STIL: variants seen among roughly 807,000 people sequenced by gnomAD.
The protein encoded by STIL is SCL-interrupting locus protein.
In STIL, 55 loss-of-function variants were observed where a neutral mutation model predicts 110.1. The ratio of observed to expected loss-of-function variants is 0.50; its 90% CI spans 0.40 to 0.63. STIL has a LOEUF of 0.63. Among genes scored for constraint, STIL ranks in the 20% least tolerant of loss-of-function variants. The pLI is 0.00. For missense variants in STIL, 1,358 were observed against 1,530.0 expected (o/e 0.89, Z 1.87); for synonymous variants, 481 against 530.0 (o/e 0.91, Z 1.27).
chr1:47,264,358 T>C (rs1396713774), intron 14 of STIL, among the ~76,000 whole-genome samples: 1 of 152,084 alleles, frequency 6.6e-6, no homozygotes, highest in Admixed American at 6.6e-5. Context: ...CTACACTCTT[T>C]AGGGGGAAGA....
rs1220156622 is a variant in STIL, at chr1:47,251,484, C to T, written c.3519G>A (p.Lys1173=). 1.7e-5 allele frequency: 28 copies of T among 1,614,094 alleles called. No homozygotes were observed. The highest frequency in any genetic ancestry group is 2.0e-5 in the Non-Finnish European group (24 of 1,180,050). The part of the protein sequence containing the change: ...EQLGGQKEPS[K]NDHEIINCSN... ...AACAATTAATTATTTCATGGTCATT[C>T]TTAGAAGGCTCTTTCTGACCACCAA... Residue 1173 remains lysine (K), a synonymous_variant, in exon 17 of 17, where the codon AAG becomes AAA. Coordinates refer to ENST00000371877, the MANE Select transcript of STIL (RefSeq NM_001048166.1).
At chr1:47,304,160 CTTATT>C (rs1000713509) in intron 3 of STIL, among the ~76,000 whole-genome samples, 6 of 150,720 alleles carry the variant, frequency 4.0e-5, no homozygotes, top group Non-Finnish European at 5.9e-5. Flanking sequence ...TTTTTTTTTC[CTTATT>C]TTGTTTTTTT....
In STIL at chr1:47,280,469, T is replaced by C; in HGVS notation, c.1989A>G (p.Ile663Met). The change falls in exon 12 of 17, where the codon ATA becomes ATG. Residue 663 changes from isoleucine to methionine, a missense_variant. Coordinates refer to ENST00000371877, the MANE Select transcript of STIL (RefSeq NM_001048166.1). ...CNAFCSSSSP[I>M]ALRPQGDMGS... The stretch of plus-strand genomic sequence containing the variant: ...CCATATCTCCCTGAGGTCTCAAGGC[T>C]ATAGGACTACTTGAAGAACAGAATG... The C allele has an allele frequency of 6.2e-7, 1 of 1,614,246 alleles. No individual in the cohort carries two copies. Among genetic ancestry groups the C allele is most frequent in the Middle Eastern group, 1.6e-4 (1 of 6,062 alleles).
At chr1:47,269,517 C>T in intron 14 of STIL, 118 bp downstream of exon 14, 1 of 730,114 alleles carries the variant, frequency 1.4e-6, no homozygotes. Flanking sequence ...TTTAATCATT[C>T]CATACTGTAA....
At chr1:47,259,645 AT>A (rs1237903979) in intron 16 of STIL, among the ~76,000 whole-genome samples, 2 of 152,146 alleles carry the variant, frequency 1.3e-5, no homozygotes, top group Non-Finnish European at 2.9e-5. Context: ...TGGCTTTTGC[AT>A]TTTATCTTAC....
chr1:47,293,773 G>A (rs534178469), intron 7 of STIL, among the ~76,000 whole-genome samples: 17 of 149,328 alleles, frequency 1.1e-4, no homozygotes, highest in Middle Eastern at 3.5e-3. Flanking sequence ...GATATATATC[G>A]AGAGAGAGAG....
At chr1:47,268,110 T>G (rs1305239625) in intron 14 of STIL, among the ~76,000 whole-genome samples, 1 of 152,204 alleles carries the variant, frequency 6.6e-6, no homozygotes, top group Non-Finnish European at 1.5e-5. Context: ...GTTCTATCAC[T>G]CAAAAATAGA....
chr1:47,268,617 G>T (rs1272932012), intron 14 of STIL, among the ~76,000 whole-genome samples: 1 of 151,888 alleles, frequency 6.6e-6, no homozygotes, highest in Admixed American at 6.6e-5. Flanking sequence ...AATTAGCCCA[G>T]CATGGTGGCA....
At chr1:47,284,497 T>A (rs1420309711) in intron 10 of STIL, among the ~76,000 whole-genome samples, 15 of 152,212 alleles carry the variant, frequency 9.9e-5, no homozygotes. Context: ...TAGCTTTTAA[T>A]AACAATCTTA....
At chr1:47,314,670 C>T (rs1646235683), upstream of STIL, among the ~76,000 whole-genome samples, 1 of 151,910 alleles carries the variant, frequency 6.6e-6, no homozygotes, top group African/African-American at 2.4e-5. Flanking sequence ...ATCACTTATC[C>T]TCAACTTCTA....
Position 47,269,620 on chromosome 1 carries a change from T to A in STIL, c.2615+15A>T, listed in dbSNP as rs773798424. ...TTTGAAAGTAGGATGAAAGACTAAATCAAAGAGACCTTACTTGGATACAGA... is the reference window on the plus strand; with the variant it reads ...TTTGAAAGTAGGATGAAAGACTAAAACAAAGAGACCTTACTTGGATACAGA... On this transcript the variant is annotated intron_variant, in intron 14 of 16. Coordinates refer to ENST00000371877, the MANE Select transcript of STIL (RefSeq NM_001048166.1). The A allele has an allele frequency of 8.1e-6, 13 of 1,612,162 alleles. No individual in the cohort carries two copies. In the South Asian group the frequency reaches 1.3e-4, roughly 16 times the overall value.
At chr1:47,275,270 A>C (rs1038371583) in intron 12 of STIL, among the ~76,000 whole-genome samples, 1 of 151,992 alleles carries the variant, frequency 6.6e-6, no homozygotes, top group African/African-American at 2.4e-5. Context: ...AATAAAAAAG[A>C]AGCAACAAAT....
chr1:47,303,785 C>T (rs1306436271), intron 3 of STIL, among the ~76,000 whole-genome samples: 1 of 152,176 alleles, frequency 6.6e-6, no homozygotes, highest in African/African-American at 2.4e-5. Context: ...TAGTGTTGAA[C>T]CCGAATACTT....
chr1:47,266,146 A>C (rs1440635826), intron 14 of STIL, among the ~76,000 whole-genome samples: 1 of 152,206 alleles, frequency 6.6e-6, no homozygotes, highest in Non-Finnish European at 1.5e-5. Flanking sequence ...GCTTTTCTGT[A>C]TACTGTGGCA....
intron 10 of STIL, among the ~76,000 whole-genome samples, chr1:47,287,088 G>A (rs1371386605): frequency 6.6e-6 from 1 of 151,992 alleles, no homozygotes; most frequent in Non-Finnish European, 1.5e-5. Flanking sequence ...AAGGGTTGGG[G>A]ACGATGGTTC....
chr1:47,292,072 G>A (rs1351087060), intron 8 of STIL, among the ~76,000 whole-genome samples: 1 of 148,834 alleles, frequency 6.7e-6, no homozygotes, highest in Non-Finnish European at 1.5e-5. Flanking sequence ...ATGGTACCCA[G>A]GCTGGTCTGG....
chr1:47,257,340 C>T (rs1036250312), intron 16 of STIL, among the ~76,000 whole-genome samples: 3 of 151,956 alleles, frequency 2.0e-5, no homozygotes, highest in Admixed American at 2.0e-4. Context: ...CCTATTTAAT[C>T]AAAATGACAT....
intron 2 of STIL, among the ~76,000 whole-genome samples, chr1:47,307,872 G>T (rs1646008958): frequency 2.6e-5 from 4 of 152,278 alleles, no homozygotes; most frequent in Admixed American, 2.6e-4. Flanking sequence ...GCCCCCCCGG[G>T]GCGTACCTGT....
intron 1 of STIL, among the ~76,000 whole-genome samples, chr1:47,313,408 C>A (rs1287884632): frequency 6.6e-6 from 1 of 151,034 alleles, no homozygotes; most frequent in Non-Finnish European, 1.5e-5. Flanking sequence ...CAATCCAGCC[C>A]CACTCTATTA....
Sources: gnomAD v4.1 joint callset for allele counts (sites outside exome capture counted in the v4.1 genomes callset) on GRCh38, gnomAD v4.1.1 for gene constraint, MANE v1.5 for transcripts, NCBI Gene and HGNC (gene_info 2026-07-23, HGNC 2026-07-21) for gene names.